The following CPE variants were observed in gnomAD, a reference collection of about 807,000 sequenced individuals.
The protein encoded by CPE is carboxypeptidase E, also known as carbocypeptidase E.
Under a neutral mutation model 53.5 loss-of-function variants are expected in CPE, and 17 were observed. The observed-to-expected ratio is 0.32, with a 90% CI of 0.22 to 0.48. The LOEUF is 0.48. Among genes scored for constraint, CPE ranks in the 20% least tolerant of loss-of-function variants. CPE has a pLI of 0.99. For missense variants in CPE, 524 were observed against 614.7 expected, an observed-to-expected ratio of 0.85 and a Z score of 1.56; for synonymous variants, 226 against 228.8, an observed-to-expected ratio of 0.99 and a Z score of 0.11.
At chr4:165,490,060 T>C (rs1227836738) in intron 6 of CPE, among the ~76,000 whole-genome samples, 1 of 152,224 alleles carries the variant, frequency 6.6e-6, no homozygotes, top group Non-Finnish European at 1.5e-5. Flanking sequence ...AGTTCTGTGT[T>C]GTAATTGTTG....
At chr4:165,480,746 C>A (rs1732392034) in intron 3 of CPE, among the ~76,000 whole-genome samples, 1 of 151,788 alleles carries the variant, frequency 6.6e-6, no homozygotes, top group South Asian at 2.1e-4. Context: ...TGCCACTCAG[C>A]CATTAAAATA....
intron 1 of CPE, among the ~76,000 whole-genome samples, chr4:165,400,196 A>G (rs941057895): frequency 2.6e-5 from 4 of 152,206 alleles, no homozygotes; most frequent in Admixed American, 1.3e-4. Flanking sequence ...AGAGAGATAT[A>G]TGGCCAGCAG....
chr4:165,441,414 G>T (rs1244401301), intron 1 of CPE, among the ~76,000 whole-genome samples: 1 of 152,066 alleles, frequency 6.6e-6, no homozygotes, highest in Non-Finnish European at 1.5e-5. Context: ...CTACAGAGTG[G>T]AGCCATCATT....
Position 165,477,239 on chromosome 4 carries a change from C to CT in CPE, c.673-5001dup, listed in dbSNP as rs554218712. Among the ~76,000 whole-genome samples, 69 of 152,210 alleles carry CT rather than the reference C, an allele frequency of 4.5e-4. 2 individuals carry two copies. Among genetic ancestry groups the CT allele is most frequent in the Admixed American group, 3.8e-3 (58 of 15,284 alleles). On this transcript the variant is annotated intron_variant, in intron 3 of 8. Coordinates refer to ENST00000402744, the MANE Select transcript of CPE (RefSeq NM_001873.4). ...AGATTAGATGTTTTTGTATTTCTAG[C>CT]TTAGGCAATACTTATTTAAAAGAGG...
chr4:165,488,677 A>C (rs188993842), intron 6 of CPE, among the ~76,000 whole-genome samples: 135 of 152,362 alleles, frequency 8.9e-4, no homozygotes, highest in Non-Finnish European at 1.6e-3. Context: ...CTGTTAAATA[A>C]ACATTTAAGT....
chr4:165,485,263 T>A (rs374571366), intron 5 of CPE, among the ~76,000 whole-genome samples: 3 of 152,150 alleles, frequency 2.0e-5, no homozygotes, highest in African/African-American at 7.2e-5. Context: ...CACTCAAGGA[T>A]GAAGAGTGAA....
chr4:165,453,308 TTTCCTTCC>T (rs796485164), intron 1 of CPE, among the ~76,000 whole-genome samples: 3 of 151,454 alleles, frequency 2.0e-5, no homozygotes, highest in Non-Finnish European at 4.4e-5. Flanking sequence ...TTTCTTTCTT[TTTCCTTCC>T]TTCCTTCCTT....
In CPE at chr4:165,487,597, T is replaced by G. The variant is rs781224506; in HGVS notation, c.1113+20T>G. ...GAGCAGGTAAACACAGTCCCCAGCATAAAAATGCAAGGTTTACAAGCATTC... is the reference window on the plus strand; with the variant it reads ...GAGCAGGTAAACACAGTCCCCAGCAGAAAAATGCAAGGTTTACAAGCATTC... On this transcript the variant is annotated intron_variant, in intron 6 of 8. Transcript: ENST00000402744. 6.2e-7 allele frequency: 1 copy of G among 1,613,366 alleles called. No individual in the cohort carries two copies. The highest frequency in any genetic ancestry group is 1.1e-5 in the South Asian group (1 of 91,006).
At chr4:165,487,151 G>A (rs139799597) in intron 5 of CPE, among the ~76,000 whole-genome samples, 102 of 152,272 alleles carry the variant, frequency 6.7e-4, no homozygotes, top group African/African-American at 2.3e-3. Context: ...TGTCTTCTCC[G>A]AAGCCCACTC....
intron 1 of CPE, among the ~76,000 whole-genome samples, chr4:165,412,537 G>A (rs1731058423): frequency 1.3e-5 from 2 of 152,180 alleles, no homozygotes; most frequent in African/African-American, 4.8e-5. Flanking sequence ...CTGAGGCACA[G>A]AGGAGTTGTG....
intron 1 of CPE, among the ~76,000 whole-genome samples, chr4:165,407,519 G>T (rs1477322116): frequency 6.6e-6 from 1 of 151,054 alleles, no homozygotes; most frequent in African/African-American, 2.4e-5. Flanking sequence ...GGATTGCTGG[G>T]ATTACAAGCA....
chr4:165,387,072 C>G (rs1429729222), intron 1 of CPE, among the ~76,000 whole-genome samples: 1 of 152,170 alleles, frequency 6.6e-6, no homozygotes, highest in African/African-American at 2.4e-5. Context: ...GTTTCTCTTT[C>G]TTTGAACATT....
intron 1 of CPE, among the ~76,000 whole-genome samples, chr4:165,413,436 T>C (rs931215273): frequency 6.6e-6 from 1 of 152,210 alleles, no homozygotes; most frequent in Admixed American, 6.5e-5. Context: ...TTAGCAGGCA[T>C]GTTTTGAACA....
chr4:165,483,250 T>C (rs1336433797), intron 4 of CPE, among the ~76,000 whole-genome samples: 1 of 152,226 alleles, frequency 6.6e-6, no homozygotes, highest in Non-Finnish European at 1.5e-5. Context: ...ATGTGGTATT[T>C]GATTTCTGAA....
intron 1 of CPE, among the ~76,000 whole-genome samples, chr4:165,402,191 T>C (rs891741694): frequency 3.9e-5 from 6 of 152,244 alleles, no homozygotes; most frequent in African/African-American, 1.2e-4. Flanking sequence ...AATGTGCTAA[T>C]AATAATAGTG....
At chr4:165,445,176 G>A (rs972149900) in intron 1 of CPE, among the ~76,000 whole-genome samples, 4 of 152,080 alleles carry the variant, frequency 2.6e-5, no homozygotes, top group African/African-American at 7.2e-5. Context: ...GGCTGGTCTC[G>A]AACTCATGAC....
intron 1 of CPE, among the ~76,000 whole-genome samples, chr4:165,402,287 T>C (rs1229716454): frequency 2.6e-5 from 4 of 152,230 alleles, no homozygotes; most frequent in Non-Finnish European, 4.4e-5. Context: ...CATAAATGAC[T>C]GGTCCCATTT....
intron 1 of CPE, chr4:165,386,335 T>C (rs776942191): frequency 2.5e-5 from 12 of 474,286 alleles, no homozygotes; most frequent in Non-Finnish European, 4.2e-5. Flanking sequence ...TTTGTTTATA[T>C]ATATTTTTTA....
At chr4:165,493,870 G>T (rs1377997653) in intron 7 of CPE, among the ~76,000 whole-genome samples, 1 of 152,034 alleles carries the variant, frequency 6.6e-6, no homozygotes, top group African/African-American at 2.4e-5. Flanking sequence ...GCATTTTTCT[G>T]GCAAGTCTAC....
Sources: allele counts gnomAD v4.1 joint callset (sites outside exome capture counted in the v4.1 genomes callset), GRCh38; gene constraint gnomAD v4.1.1; transcripts MANE v1.5; gene names NCBI Gene and HGNC (gene_info 2026-07-23, HGNC 2026-07-21).